DLG2: variants seen among roughly 807,000 people sequenced by gnomAD.
DLG2 encodes the protein discs large MAGUK scaffold protein 2.
DLG2 carries 45 observed loss-of-function variants against 132.5 expected under a neutral mutation model. The ratio of observed to expected loss-of-function variants is 0.34; its 90% CI spans 0.27 to 0.44. DLG2 has a LOEUF of 0.44. Among genes scored for constraint, DLG2 ranks in the 20% least tolerant of loss-of-function variants. The pLI is 1.00. For synonymous variants in DLG2, 424 were observed against 419.6 expected, an observed-to-expected ratio of 1.01 and a Z score of -0.13; for missense variants, 1,045 against 1,196.9, an observed-to-expected ratio of 0.87 and a Z score of 1.87.
chr11:83,477,674 C>T (rs1371449988), intron 22 of DLG2, among the ~76,000 whole-genome samples: 2 of 151,942 alleles, frequency 1.3e-5, no homozygotes, highest in Non-Finnish European at 2.9e-5. Flanking sequence ...CATTTTGTTC[C>T]CAGAGTGGAT....
intron 6 of DLG2, among the ~76,000 whole-genome samples, chr11:85,052,871 G>GT (rs1397301426): frequency 1.4e-4 from 21 of 152,104 alleles, no homozygotes; most frequent in Non-Finnish European, 5.9e-5. Context: ...CCTCCTCATT[G>GT]TATAGTTCTG....
rs565799235 is a variant in DLG2 at position 83,481,450 on chromosome 11, T to C, written c.2293+2679A>G. Among the ~76,000 whole-genome samples, 144 of 152,222 alleles carry C rather than the reference T, an allele frequency of 9.5e-4. 2 individuals are homozygous for C. Among genetic ancestry groups the C allele is most frequent in the South Asian group, 8.9e-3 (43 of 4,828 alleles). ...ACATCAGTTTTTTAAAAAGTGACAA[T>C]AGTTATACATTTTTAGAAAGAGAAA... is the stretch of plus-strand genomic sequence containing the variant. On this transcript the variant is annotated intron_variant, in intron 22 of 27. Transcript: ENST00000376104.
At chr11:84,054,300 G>A (rs764689844) in intron 11 of DLG2, among the ~76,000 whole-genome samples, 4 of 151,964 alleles carry the variant, frequency 2.6e-5, no homozygotes, top group South Asian at 4.1e-4. Context: ...GTGTTCTTGC[G>A]AAAGTCACTA....
In DLG2 at chr11:84,700,738, T is replaced by C. The variant is rs191532216; in HGVS notation, c.358-166007A>G. Among the ~76,000 whole-genome samples the C allele has an allele frequency of 4.3e-3, 649 of 151,728 alleles. 6 individuals are homozygous for C. The highest frequency in any genetic ancestry group is 0.015 in the African/African-American group (629 of 41,490). ...TGGATTTCAAGCTTGGTCTGTCTTA[T>C]TTTAACATCCTCCTCCATTTGTTTG... is the stretch of plus-strand genomic sequence containing the variant. On this transcript the variant is annotated intron_variant, in intron 6 of 27. Coordinates refer to ENST00000376104, the MANE Select transcript of DLG2 (RefSeq NM_001142699.3).
At chr11:85,235,577 A>C (rs2075542487) in intron 4 of DLG2, among the ~76,000 whole-genome samples, 1 of 151,982 alleles carries the variant, frequency 6.6e-6, no homozygotes, top group Non-Finnish European at 1.5e-5. Flanking sequence ...GAGTTGGGGG[A>C]AGACGGGAAC....
intron 18 of DLG2, among the ~76,000 whole-genome samples, chr11:83,772,290 G>C (rs1341824928): frequency 6.6e-6 from 1 of 151,958 alleles, no homozygotes; most frequent in East Asian, 1.9e-4. Flanking sequence ...TGCACCTGTG[G>C]TCCCAGCTAC....
rs150443968 is a variant in DLG2, at chr11:85,375,353, C to T, written c.41-89988G>A. Reference sequence around the variant, plus strand: ...AAGAAGTGATGTGATGATTTCTTGCCTAATCAACCAGATCAAACACCCGAA... The same window carrying T: ...AAGAAGTGATGTGATGATTTCTTGCTTAATCAACCAGATCAAACACCCGAA... On this transcript the variant is annotated intron_variant, in intron 3 of 27. Transcript: ENST00000376104. Among the ~76,000 whole-genome samples, 598 of 152,242 alleles carry T rather than the reference C, an allele frequency of 3.9e-3. 7 individuals carry two copies. The highest frequency in any genetic ancestry group is 0.012 in the African/African-American group (519 of 41,554).
At chr11:84,877,917 C>G (rs772936646) in intron 6 of DLG2, among the ~76,000 whole-genome samples, 2 of 152,080 alleles carry the variant, frequency 1.3e-5, no homozygotes, top group South Asian at 2.1e-4. Context: ...TAAACAGACA[C>G]TTCTCAAAAG....
At chr11:85,292,301 GA>G (rs1281001332) in intron 3 of DLG2, among the ~76,000 whole-genome samples, 2 of 152,024 alleles carry the variant, frequency 1.3e-5, no homozygotes, top group Admixed American at 6.6e-5. Context: ...TTTGTACCAA[GA>G]AAAGTTTCTT....
At chr11:84,628,493 T>A (rs2099626488) in intron 6 of DLG2, among the ~76,000 whole-genome samples, 1 of 152,254 alleles carries the variant, frequency 6.6e-6, no homozygotes. Context: ...GTTCTTTACA[T>A]ACCAATCTTG....
At chr11:83,911,525 C>T (rs1012633363) in intron 15 of DLG2, among the ~76,000 whole-genome samples, 5 of 151,816 alleles carry the variant, frequency 3.3e-5, no homozygotes, top group African/African-American at 9.7e-5. Context: ...CAGATCAGCT[C>T]CTCTGTATAC....
chr11:84,697,365 C>T (rs1212832054), intron 6 of DLG2, among the ~76,000 whole-genome samples: 1 of 151,476 alleles, frequency 6.6e-6, no homozygotes, highest in Non-Finnish European at 1.5e-5. Flanking sequence ...CCTAAGAATA[C>T]ACACATTTTG....
intron 6 of DLG2, among the ~76,000 whole-genome samples, chr11:84,844,756 G>T (rs555410111): frequency 6.6e-6 from 1 of 152,040 alleles, no homozygotes; most frequent in Admixed American, 6.6e-5. Context: ...TGCATGTTAC[G>T]TGTATGACAT....
Position 84,316,765 on chromosome 11 carries a change from A to T in DLG2, c.520-65474T>A, listed in dbSNP as rs140488462. 87 of 1,501,720 alleles carry T rather than the reference A, an allele frequency of 5.8e-5. No homozygotes were observed. In the East Asian group the frequency reaches 2.1e-3, roughly 36 times the overall value. The allele number at this position is 1,501,720 out of a possible 1,614,324, so 93.0% of individuals were successfully genotyped here. ...AAAGTTTCCAAGCCATTCTAACCTTAAACAACTTGCTCTCACTTTCTTCAG... is the reference window on the plus strand; with the variant it reads ...AAAGTTTCCAAGCCATTCTAACCTTTAACAACTTGCTCTCACTTTCTTCAG... On this transcript the variant is annotated intron_variant, in intron 7 of 27. Transcript: ENST00000376104.
intron 9 of DLG2, among the ~76,000 whole-genome samples, chr11:84,141,592 CT>C (rs2094847973): frequency 6.6e-6 from 1 of 152,026 alleles, no homozygotes; most frequent in Non-Finnish European, 1.5e-5. Context: ...CCTTTAGGGC[CT>C]TAAACTTTTG....
chr11:84,983,983 T>C (rs527389728), intron 6 of DLG2, among the ~76,000 whole-genome samples: 1 of 152,062 alleles, frequency 6.6e-6, no homozygotes, highest in Non-Finnish European at 1.5e-5. Flanking sequence ...CTCCAAGAAG[T>C]CTAGGATTAT....
chr11:85,288,100 C>A (rs1228512793), intron 3 of DLG2, among the ~76,000 whole-genome samples: 2 of 151,860 alleles, frequency 1.3e-5, no homozygotes, highest in East Asian at 3.9e-4. Flanking sequence ...ATGTCAGTAG[C>A]AATTTCAGAA....
intron 18 of DLG2, among the ~76,000 whole-genome samples, chr11:83,669,587 C>G (rs1440854028): frequency 1.3e-5 from 2 of 152,110 alleles, no homozygotes; most frequent in South Asian, 4.2e-4. Context: ...ATAATTTGTA[C>G]CCTTAATATA....
chr11:84,848,698 T>G (rs781076197), intron 6 of DLG2, among the ~76,000 whole-genome samples: 1 of 152,122 alleles, frequency 6.6e-6, no homozygotes, highest in Non-Finnish European at 1.5e-5. Context: ...GATAAGATCT[T>G]GGACTTTAAA....
Sources: gnomAD v4.1 joint callset for allele counts (sites outside exome capture counted in the v4.1 genomes callset) on GRCh38, gnomAD v4.1.1 for gene constraint, MANE v1.5 for transcripts, NCBI Gene and HGNC (gene_info 2026-07-23, HGNC 2026-07-21) for gene names.